The following DSCAM variants were observed in gnomAD, a reference collection of about 807,000 sequenced individuals.
DSCAM encodes DS cell adhesion molecule.
In DSCAM, 47 loss-of-function variants were observed where a neutral mutation model predicts 217.7. That is an observed-to-expected ratio of 0.22 (90% confidence interval 0.17 to 0.28). DSCAM has a LOEUF of 0.28. DSCAM is among the 10% of genes least tolerant of loss of function. The pLI, the probability that DSCAM is intolerant of heterozygous loss-of-function variation, is 1.00. For missense variants in DSCAM, 2,080 were observed against 2,618.3 expected (o/e 0.79, Z 4.49); for synonymous variants, 1,056 against 1,015.3 (o/e 1.04, Z -0.76).
chr21:40,303,235 A>C (rs950129062), intron 9 of DSCAM, among the ~76,000 whole-genome samples: 1 of 152,128 alleles, frequency 6.6e-6, no homozygotes, highest in Non-Finnish European at 1.5e-5. Flanking sequence ...GCCTCTGCTT[A>C]TATCTCTGCC....
At chr21:40,431,298 C>G (rs1468775909) in intron 3 of DSCAM, among the ~76,000 whole-genome samples, 1 of 152,210 alleles carries the variant, frequency 6.6e-6, no homozygotes. Flanking sequence ...CCTTCTCCCC[C>G]TTCCTCCTCC....
rs568499654 is a variant in DSCAM, at chr21:40,097,231, T to C, written c.3697-3357A>G. ...ATATAATATAAATAAAAGTAAAATG[T>C]TTAACAATAGCACAAATGTTGGGAG... On this transcript the variant is annotated intron_variant, in intron 20 of 32. Transcript: ENST00000400454. Among the ~76,000 whole-genome samples, 9 of 152,178 alleles carry C rather than the reference T, an allele frequency of 5.9e-5. No individual in the cohort carries two copies. In the East Asian group the frequency reaches 7.7e-4, roughly 13 times the overall value.
chr21:40,316,940 TA>T (rs1346276925), intron 8 of DSCAM, among the ~76,000 whole-genome samples: 1 of 152,204 alleles, frequency 6.6e-6, no homozygotes, highest in Non-Finnish European at 1.5e-5. Context: ...AAGACTTTGA[TA>T]AAATCATGGG....
chr21:40,530,941 C>T (rs993782601), intron 3 of DSCAM, among the ~76,000 whole-genome samples: 1 of 129,052 alleles, frequency 7.7e-6, no homozygotes, highest in Non-Finnish European at 1.7e-5. Flanking sequence ...ATCCATCCAT[C>T]CATCCATCCA....
chr21:40,275,349 A>T (rs2073672978), intron 11 of DSCAM, among the ~76,000 whole-genome samples: 1 of 151,996 alleles, frequency 6.6e-6, no homozygotes, highest in South Asian at 2.1e-4. Context: ...GTGGGAGGGG[A>T]GTCTGAATAA....
At chr21:40,350,210 T>C (rs1271128617) in intron 5 of DSCAM, among the ~76,000 whole-genome samples, 1 of 152,080 alleles carries the variant, frequency 6.6e-6, no homozygotes, top group Non-Finnish European at 1.5e-5. Context: ...TCAATACCAT[T>C]CAGGACATAT....
intron 3 of DSCAM, among the ~76,000 whole-genome samples, chr21:40,544,464 T>G (rs149092347): frequency 2.4e-3 from 366 of 152,134 alleles, no homozygotes; most frequent in African/African-American, 8.3e-3. Context: ...CTAAACCCAA[T>G]AATTAGTGTC....
chr21:40,844,207 G>A (rs911163926), intron 1 of DSCAM, among the ~76,000 whole-genome samples: 1 of 152,094 alleles, frequency 6.6e-6, no homozygotes, highest in African/African-American at 2.4e-5. Flanking sequence ...TTACAAACAG[G>A]CATAGTTCCA....
chr21:40,557,841 T>C (rs1388715133), intron 3 of DSCAM, among the ~76,000 whole-genome samples: 1 of 152,166 alleles, frequency 6.6e-6, no homozygotes, highest in East Asian at 1.9e-4. Flanking sequence ...TGAACTAAAA[T>C]GCACTGATAC....
At chr21:40,707,048 A>G (rs1392091819) in intron 2 of DSCAM, among the ~76,000 whole-genome samples, 1 of 152,228 alleles carries the variant, frequency 6.6e-6, no homozygotes. Flanking sequence ...TGCAAAAACA[A>G]TGAATTCTAT....
intron 10 of DSCAM, among the ~76,000 whole-genome samples, chr21:40,278,773 C>CA (rs900722987): frequency 6.6e-6 from 1 of 151,730 alleles, no homozygotes; most frequent in African/African-American, 2.4e-5. Context: ...GAGGAGTCTT[C>CA]AAAAATACTG....
At chr21:40,239,566 G>A (rs1458622328) in intron 11 of DSCAM, among the ~76,000 whole-genome samples, 1 of 152,224 alleles carries the variant, frequency 6.6e-6, no homozygotes, top group East Asian at 1.9e-4. Context: ...AGGTGAATGA[G>A]ATCATCTGGG....
chr21:40,482,774 A>G (rs1052159770), intron 3 of DSCAM, among the ~76,000 whole-genome samples: 1 of 152,204 alleles, frequency 6.6e-6, no homozygotes, highest in African/African-American at 2.4e-5. Flanking sequence ...AATTTCAGCA[A>G]GACAATTTAT....
chr21:40,702,882 T>C (rs535674797), intron 2 of DSCAM, among the ~76,000 whole-genome samples: 2 of 152,320 alleles, frequency 1.3e-5, no homozygotes, highest in African/African-American at 4.8e-5. Flanking sequence ...TATAGCAAAA[T>C]AACCTCCAAT....
chr21:40,550,691 A>C (rs1418713157), intron 3 of DSCAM, among the ~76,000 whole-genome samples: 1 of 152,226 alleles, frequency 6.6e-6, no homozygotes, highest in Non-Finnish European at 1.5e-5. Context: ...GAAAAACTTT[A>C]GACAAATTTA....
intron 23 of DSCAM, among the ~76,000 whole-genome samples, chr21:40,085,308 A>C (rs2089517112): frequency 6.6e-6 from 1 of 152,188 alleles, no homozygotes; most frequent in Admixed American, 6.5e-5. Flanking sequence ...CAATTAATGG[A>C]AATTATTAAG....
chr21:40,193,485 C>T (rs2837481), intron 11 of DSCAM, among the ~76,000 whole-genome samples: 60,042 of 151,996 alleles, frequency 0.4, 11,953 homozygotes, highest in South Asian at 0.44. Context: ...CTTTCTCTCA[C>T]GACTGGGGAA....
intron 3 of DSCAM, among the ~76,000 whole-genome samples, chr21:40,498,134 A>G (rs948920181): frequency 1.3e-5 from 2 of 152,132 alleles, no homozygotes; most frequent in Non-Finnish European, 2.9e-5. Flanking sequence ...ACTCTGTGTC[A>G]TTGGGCTGCT....
intron 3 of DSCAM, among the ~76,000 whole-genome samples, chr21:40,403,646 C>T (rs1179218151): frequency 6.6e-6 from 1 of 151,744 alleles, no homozygotes; most frequent in South Asian, 2.1e-4. Context: ...CACACACACA[C>T]ACACACACAC....
Sources: allele counts gnomAD v4.1 joint callset (sites outside exome capture counted in the v4.1 genomes callset), GRCh38; gene constraint gnomAD v4.1.1; transcripts MANE v1.5; gene names NCBI Gene and HGNC (gene_info 2026-07-23, HGNC 2026-07-21).